FYTTD1: variants seen among roughly 807,000 people sequenced by gnomAD.
FYTTD1 encodes the protein UAP56-interacting factor.
In FYTTD1, 22 loss-of-function variants were observed where a neutral mutation model predicts 40.9. That is an observed-to-expected ratio of 0.54 (90% CI 0.38 to 0.77). The LOEUF (loss-of-function observed/expected upper bound fraction) is 0.77. Ranked by LOEUF, FYTTD1 falls within the 30% of genes least tolerant of loss-of-function variation. The pLI, the probability that FYTTD1 is intolerant of heterozygous loss-of-function variation, is 0.00. For missense variants in FYTTD1, 351 were observed against 392.2 expected (o/e 0.90, Z 0.89); for synonymous variants, 140 against 137.9 (o/e 1.01, Z -0.10).
chr3:197,758,651 G>A (rs111293588), intron 2 of FYTTD1, among the ~76,000 whole-genome samples: 2,262 of 152,156 alleles, frequency 0.015, 26 homozygotes, highest in Non-Finnish European at 0.025. Flanking sequence ...TGATATCTAG[G>A]GGCAGCTTAG....
At chr3:197,766,603 T>C (rs7371948) in intron 2 of FYTTD1, among the ~76,000 whole-genome samples, 129,265 of 151,842 alleles carry the variant, frequency 0.85, 55,194 homozygotes, top group East Asian at 0.99. Flanking sequence ...CCACTGCACC[T>C]GGCTAATTTT....
chr3:197,749,832 C>A, upstream of FYTTD1: 1 of 509,658 alleles, frequency 2.0e-6, no homozygotes, highest in Non-Finnish European at 3.3e-6. Context: ...CCGCCCCGCC[C>A]GCAGCCGCGG....
At chr3:197,752,861 G>A (rs1326871435) in intron 1 of FYTTD1, among the ~76,000 whole-genome samples, 2 of 152,196 alleles carry the variant, frequency 1.3e-5, no homozygotes, top group Non-Finnish European at 2.9e-5. Flanking sequence ...ATACAAGGTA[G>A]TTAAGTGGTG....
chr3:197,752,158 C>A (rs1004061456), intron 1 of FYTTD1, among the ~76,000 whole-genome samples: 2 of 152,192 alleles, frequency 1.3e-5, no homozygotes, highest in African/African-American at 4.8e-5. Flanking sequence ...GCCGCCGCAC[C>A]CGGCCAGCAT....
chr3:197,782,227 A>G lies in FYTTD1; in HGVS notation c.*318A>G, dbSNP rs1273557. On this transcript the variant is annotated 3_prime_UTR_variant, in exon 9 of 9. Transcript: ENST00000241502. Reference sequence around the variant, plus strand: ...AGAAATTGATTATTTTTATGATAGCAGTATTCAGGATCTCATCACCTTTGC... The same window carrying G: ...AGAAATTGATTATTTTTATGATAGCGGTATTCAGGATCTCATCACCTTTGC... The G allele has an allele frequency of 0.85, 148,640 of 175,854 alleles. 63,112 individuals are homozygous for G. Among genetic ancestry groups the G allele is most frequent in the East Asian group, 1 (6,975 of 7,002 alleles). The allele number at this position is 175,854 out of a possible 1,614,324, so 10.9% of individuals were successfully genotyped here.
At chr3:197,755,755 T>C in intron 1 of FYTTD1, 2 of 1,537,028 alleles carry the variant, frequency 1.3e-6, no homozygotes, top group East Asian at 2.5e-5. Context: ...CCCAAAGTGC[T>C]GGGATTATAG....
At position 197,783,642 on chromosome 3, in the gene FYTTD1, G is replaced by A. The variant is rs541715651; in HGVS notation, c.*1733G>A. The A allele has an allele frequency of 6.9e-4, 105 of 152,644 alleles. No homozygotes were observed. The highest frequency in any genetic ancestry group is 2.4e-3 in the African/African-American group (101 of 41,554). The allele number at this position is 152,644 out of a possible 1,614,324, so 9.5% of individuals were successfully genotyped here. On this transcript the variant is annotated 3_prime_UTR_variant, in exon 9 of 9. Transcript: ENST00000241502. ...ACTCATTGCAAAACATTTTTGCAAG[G>A]ATGAATGCCTGTATTTGGTCTAGGA...
chr3:197,756,672 T>C (rs1309018946), intron 2 of FYTTD1, 115 bp downstream of exon 2: 2 of 979,704 alleles, frequency 2.0e-6, no homozygotes, highest in Non-Finnish European at 3.1e-6. Flanking sequence ...TGTTTTGTGT[T>C]TCCTCTATGC....
chr3:197,750,225 C>T lies in FYTTD1; in HGVS notation c.103+151C>T, dbSNP rs1002825541. 1.8e-5 allele frequency: 15 copies of T among 825,798 alleles called. No homozygotes were observed. The African/African-American group carries it at 2.5e-4, about 14-fold the overall frequency. 51.2% of individuals were successfully genotyped at this position (825,798 alleles called of 1,614,324 possible). On this transcript the variant is annotated intron_variant, in intron 1 of 8. Coordinates refer to ENST00000241502, the MANE Select transcript of FYTTD1 (RefSeq NM_032288.7). Reference sequence around the variant, plus strand: ...ACCCGAGCGGAGGCCCGGAGGACAGCCGGGAGCGCAGGCTCGACGCCAGGT... The same window carrying T: ...ACCCGAGCGGAGGCCCGGAGGACAGTCGGGAGCGCAGGCTCGACGCCAGGT...
At chr3:197,760,644 A>G (rs1476701566) in intron 2 of FYTTD1, among the ~76,000 whole-genome samples, 2 of 151,936 alleles carry the variant, frequency 1.3e-5, no homozygotes, top group Non-Finnish European at 2.9e-5. Context: ...GAATGTATAC[A>G]GTTGTTCTTC....
At chr3:197,760,784 GTTGTTCCTCAGTGGTAGAATGTATAGAT>G (rs1360300164) in intron 2 of FYTTD1, among the ~76,000 whole-genome samples, 2 of 151,762 alleles carry the variant, frequency 1.3e-5, no homozygotes, top group Non-Finnish European at 2.9e-5. Context: ...AATGTATGGA[GTTGTTCCTCAGTGGTAGAATGTATAGAT>G]TTGTTCCTCA....
At chr3:197,754,751 A>C (rs1227623410) in intron 1 of FYTTD1, among the ~76,000 whole-genome samples, 1 of 146,470 alleles carries the variant, frequency 6.8e-6, no homozygotes, top group Non-Finnish European at 1.5e-5. Flanking sequence ...TGCAGCCTTG[A>C]CCACTTGAGC....
At chr3:197,759,093 A>C (rs535326693) in intron 2 of FYTTD1, among the ~76,000 whole-genome samples, 1 of 151,624 alleles carries the variant, frequency 6.6e-6, no homozygotes, top group Non-Finnish European at 1.5e-5. Flanking sequence ...TAGAAAGTAT[A>C]GAGTTGTTCT....
chr3:197,752,836 A>T (rs776519492), intron 1 of FYTTD1, among the ~76,000 whole-genome samples: 21 of 152,214 alleles, frequency 1.4e-4, no homozygotes, highest in Non-Finnish European at 2.8e-4. Flanking sequence ...GAAATTAAGT[A>T]ACTTGCTCGA....
chr3:197,761,640 T>C (rs1729392889), intron 2 of FYTTD1, among the ~76,000 whole-genome samples: 1 of 152,226 alleles, frequency 6.6e-6, no homozygotes, highest in Non-Finnish European at 1.5e-5. Context: ...TGGAATGGTA[T>C]AGAGTTCTCA....
At position 197,784,976 on chromosome 3, in the gene FYTTD1, A is replaced by G. The variant is rs1415207106; in HGVS notation, c.*3067A>G. ...TCAGATCTTCTAATTCTTAATTGAT[A>G]ATAAACTGCTTTGGTGAATTAACAC... On this transcript the variant is annotated 3_prime_UTR_variant, in exon 9 of 9. Coordinates refer to ENST00000241502, the MANE Select transcript of FYTTD1 (RefSeq NM_032288.7). The G allele has an allele frequency of 6.6e-6, 1 of 152,176 alleles. No individual in the cohort carries two copies. The highest frequency in any genetic ancestry group is 2.4e-5 in the African/African-American group (1 of 41,444). 9.4% of individuals were successfully genotyped at this position (152,176 alleles called of 1,614,324 possible).
intron 1 of FYTTD1, among the ~76,000 whole-genome samples, chr3:197,755,438 T>A (rs565399322): frequency 1.3e-4 from 20 of 151,938 alleles, no homozygotes; most frequent in African/African-American, 4.8e-4. Context: ...TGGAAGGTGG[T>A]CATCTTTTTT....
rs972676712 is a variant in FYTTD1, at chr3:197,778,429, C to T, written c.823C>T (p.Pro275Ser). 4.3e-6 allele frequency: 7 copies of T among 1,609,800 alleles called. No individual in the cohort carries two copies. Among genetic ancestry groups the T allele is most frequent in the African/African-American group, 2.7e-5 (2 of 74,818 alleles). Residue 275 changes from proline (P) to serine (S), a missense_variant, in exon 8 of 9, where the codon CCC becomes TCC. Transcript: ENST00000241502. ...CGTCAAGAAAGTTCCTAAAGGTGTT[C>T]CCCTGCAGTTTGACATAAACAGTGT... is the stretch of plus-strand genomic sequence containing the variant. The part of the protein sequence containing the change: ...SDVKKVPKGV[P>S]LQFDINSVGK...
intron 2 of FYTTD1, among the ~76,000 whole-genome samples, chr3:197,758,831 T>A (rs944054557): frequency 6.6e-6 from 1 of 152,226 alleles, no homozygotes; most frequent in African/African-American, 2.4e-5. Flanking sequence ...ATGAGGATGT[T>A]AGCTTGAGGT....
Sources: gnomAD v4.1 joint callset for allele counts (sites outside exome capture counted in the v4.1 genomes callset) on GRCh38, gnomAD v4.1.1 for gene constraint, MANE v1.5 for transcripts, NCBI Gene and HGNC (gene_info 2026-07-23, HGNC 2026-07-21) for gene names.